GLRX: variants seen among roughly 807,000 people sequenced by gnomAD.
GLRX encodes glutaredoxin.
In GLRX, 9 loss-of-function variants were observed where a neutral mutation model predicts 11.1. The observed-to-expected ratio is 0.81, with a 90% CI of 0.49 to 1.42. GLRX has a LOEUF of 1.42. Among genes scored for constraint, GLRX ranks in the 40% most tolerant of loss-of-function variants. The pLI, the probability that GLRX is intolerant of heterozygous loss-of-function variation, is 0.00. For synonymous variants in GLRX, 49 were observed against 49.5 expected, an observed-to-expected ratio of 0.99 and a Z score of 0.04; for missense variants, 102 against 126.2, an observed-to-expected ratio of 0.81 and a Z score of 0.92.
chr5:95,817,082 A>G (rs1289095129), intron 1 of GLRX: 2 of 163,298 alleles, frequency 1.2e-5, no homozygotes, highest in Non-Finnish European at 2.7e-5. Flanking sequence ...TTTCAGGTCC[A>G]TGGTTTATTA....
intron 2 of GLRX, chr5:95,815,010 C>G (rs1262741687): frequency 6.5e-6 from 1 of 154,934 alleles, no homozygotes; most frequent in Non-Finnish European, 1.5e-5. Flanking sequence ...CTTCCTTTCT[C>G]TCATTACCAG....
intron 1 of GLRX, among the ~76,000 whole-genome samples, chr5:95,820,273 C>T (rs1747177131): frequency 6.7e-6 from 1 of 149,790 alleles, no homozygotes; most frequent in Non-Finnish European, 1.5e-5. Flanking sequence ...GTCACTTAAG[C>T]CCAGGAGTTC....
chr5:95,821,261 G>A (rs1316165556), intron 1 of GLRX, among the ~76,000 whole-genome samples: 1 of 152,212 alleles, frequency 6.6e-6, no homozygotes, highest in Non-Finnish European at 1.5e-5. Context: ...AAGGTCCTCA[G>A]GGTGGCAGCC....
chr5:95,822,013 T>A (rs540926297), intron 1 of GLRX, among the ~76,000 whole-genome samples: 1 of 152,116 alleles, frequency 6.6e-6, no homozygotes, highest in African/African-American at 2.4e-5. Flanking sequence ...ATGAGCAAAT[T>A]AGAAAAAGAA....
intron 1 of GLRX, chr5:95,818,726 GC>G (rs1747099369): frequency 6.6e-6 from 1 of 152,374 alleles, no homozygotes; most frequent in South Asian, 2.1e-4. Flanking sequence ...TGCCAGAGTG[GC>G]CCTTTCAAAA....
At chr5:95,822,247 T>C in intron 1 of GLRX, 1 of 593,816 alleles carries the variant, frequency 1.7e-6, no homozygotes, top group Non-Finnish European at 3.0e-6. Flanking sequence ...CTCCCTCTTC[T>C]GCCCCGTGAA....
chr5:95,820,947 C>A (rs1747212082), intron 1 of GLRX, among the ~76,000 whole-genome samples: 1 of 152,124 alleles, frequency 6.6e-6, no homozygotes, highest in Admixed American at 6.5e-5. Context: ...GAAACCCCGT[C>A]TCTACTAAAA....
At position 95,822,489 on chromosome 5, in the gene GLRX, T is replaced by G; in HGVS notation, c.174A>C (p.Gln58His). The G allele has an allele frequency of 6.2e-7, 1 of 1,613,948 alleles. No individual in the cohort carries two copies. The highest frequency in any genetic ancestry group is 8.5e-7 in the Non-Finnish European group (1 of 1,179,826). Reference sequence around the variant, plus strand: ...CTCCCGTGAGCTGTTGCAAATAATCTTGAATCTCGTTAGTGTGGTTGGTGG... The same window carrying G: ...CTCCCGTGAGCTGTTGCAAATAATCGTGAATCTCGTTAGTGTGGTTGGTGG... ...ITATNHTNEI[Q>H]DYLQQLTGAR... The change falls in exon 1 of 3, where the codon CAA becomes CAC. Residue 58 changes from glutamine (Q) to histidine (H), a missense_variant. Physicochemically the swap from Gln to His is conservative, Grantham distance 24. Coordinates refer to ENST00000237858, the MANE Select transcript of GLRX (RefSeq NM_001118890.2).
chr5:95,817,630 C>T (rs914618966), intron 1 of GLRX: 3 of 152,254 alleles, frequency 2.0e-5, no homozygotes, highest in East Asian at 1.9e-4. Flanking sequence ...TTCCAGAATT[C>T]CAGAGGGCTT....
At chr5:95,819,771 C>T (rs1020748386) in intron 1 of GLRX, among the ~76,000 whole-genome samples, 6 of 151,896 alleles carry the variant, frequency 4.0e-5, no homozygotes, top group Non-Finnish European at 8.8e-5. Flanking sequence ...TGGTGGCAGA[C>T]GCCTGTAGTC....
intron 1 of GLRX, among the ~76,000 whole-genome samples, chr5:95,819,921 A>AAT (rs1747162636): frequency 6.7e-6 from 1 of 149,804 alleles, no homozygotes; most frequent in African/African-American, 2.4e-5. Context: ...AAAAAAAAAA[A>AAT]ACCCTCGGGA....
intron 2 of GLRX, 106 bp downstream of exon 2, chr5:95,816,401 T>G (rs1430475866): frequency 3.1e-6 from 2 of 645,776 alleles, no homozygotes; most frequent in Admixed American, 5.1e-5. Flanking sequence ...TCACCCCAAA[T>G]CATTTCTTCC....
intron 1 of GLRX, among the ~76,000 whole-genome samples, chr5:95,821,421 A>G (rs1747232534): frequency 1.3e-5 from 2 of 152,124 alleles, no homozygotes; most frequent in Non-Finnish European, 2.9e-5. Flanking sequence ...AGGATAACAC[A>G]CTAAGCCCCC....
At chr5:95,820,352 T>TAAA (rs58201790) in intron 1 of GLRX, among the ~76,000 whole-genome samples, 4,541 of 79,384 alleles carry the variant, frequency 0.057, 124 homozygotes, top group South Asian at 0.088. Context: ...CTCTGTCTCT[T>TAAA]AAAAAAAAAA....
At chr5:95,815,633 G>A (rs182317550) in intron 2 of GLRX, among the ~76,000 whole-genome samples, 3 of 152,324 alleles carry the variant, frequency 2.0e-5, no homozygotes, top group East Asian at 1.9e-4. Context: ...GCTAGCTAGC[G>A]CTAGCTGTGC....
chr5:95,815,870 C>T (rs1022479676), intron 2 of GLRX, among the ~76,000 whole-genome samples: 2 of 152,200 alleles, frequency 1.3e-5, no homozygotes, highest in African/African-American at 4.8e-5. Flanking sequence ...TTGAATAAAT[C>T]CAAATTGTTT....
At chr5:95,820,150 A>C (rs1747172147) in intron 1 of GLRX, among the ~76,000 whole-genome samples, 1 of 151,648 alleles carries the variant, frequency 6.6e-6, no homozygotes, top group Non-Finnish European at 1.5e-5. Context: ...CCAGGAGTTC[A>C]AGACCAGCCT....
intron 1 of GLRX, chr5:95,818,264 CG>C (rs760429337): frequency 7.2e-5 from 11 of 152,246 alleles, no homozygotes; most frequent in Non-Finnish European, 1.5e-4. Flanking sequence ...GTACCCCTAA[CG>C]GGAGCTGAAT....
chr5:95,822,586 CA>C lies in GLRX; in HGVS notation c.76del (p.Cys26AlafsTer55), dbSNP rs1229964706. 1.2e-6 allele frequency: 2 copies of C among 1,613,866 alleles called. No individual in the cohort carries two copies. Among genetic ancestry groups the C allele is most frequent in the Admixed American group, 3.3e-5 (2 of 60,008 alleles). ...VVFIKPTCPYCRRAQEILSQL... is the reference protein window; with the variant it reads ...VVFIKPTCPYXRRAQEILSQL... ...ACTGAGGATCTCTTGGGCCCTCCTG[CA>C]GTACGGGCAGGTGGGCTTGATGAAC... On this transcript the variant is annotated frameshift_variant, in exon 1 of 3. Transcript: ENST00000237858. LOFTEE classifies it high-confidence loss of function.
Sources: gnomAD v4.1 joint callset for allele counts (sites outside exome capture counted in the v4.1 genomes callset) on GRCh38, gnomAD v4.1.1 for gene constraint, MANE v1.5 for transcripts, NCBI Gene and HGNC (gene_info 2026-07-23, HGNC 2026-07-21) for gene names.